The following ZNF507 variants were observed in gnomAD, a reference collection of about 807,000 sequenced individuals.
ZNF507 encodes the protein zinc finger protein 507.
In ZNF507, 29 loss-of-function variants were observed where a neutral mutation model predicts 80.0. The ratio of observed to expected loss-of-function variants is 0.36; its 90% CI spans 0.27 to 0.49. The LOEUF is 0.49. Ranked by LOEUF, ZNF507 falls within the 20% of genes least tolerant of loss-of-function variation. The pLI is 0.98. For synonymous variants in ZNF507, 462 were observed against 422.5 expected, an observed-to-expected ratio of 1.09 and a Z score of -1.15; for missense variants, 1,081 against 1,152.2, an observed-to-expected ratio of 0.94 and a Z score of 0.90.
rs112907551 is a variant in ZNF507, at chr19:32,378,414, A to T, written c.2361-4053A>T. Among the ~76,000 whole-genome samples, 25 of 152,252 alleles carry T rather than the reference A, an allele frequency of 1.6e-4. 1 individual carries two copies. The highest frequency in any genetic ancestry group is 6.0e-4 in the African/African-American group (25 of 41,550). Reference sequence around the variant, plus strand: ...TAGAAGATCTTAAGGAGACGTGAGGACTAAAAGCCATGTTGTCCTGGATGG... The same window carrying T: ...TAGAAGATCTTAAGGAGACGTGAGGTCTAAAAGCCATGTTGTCCTGGATGG... On this transcript the variant is annotated intron_variant, in intron 5 of 6. Coordinates refer to ENST00000355898, the MANE Select transcript of ZNF507 (RefSeq NM_001136156.2).
Position 32,386,008 on chromosome 19 carries a change from A to C in ZNF507, c.*2925A>C, listed in dbSNP as rs1020893112. 6.6e-6 allele frequency: 1 copy of C among 152,248 alleles called. No homozygotes were observed. The highest frequency in any genetic ancestry group is 1.5e-5 in the Non-Finnish European group (1 of 68,060). 9.4% of individuals were successfully genotyped at this position (152,248 alleles called of 1,614,324 possible). ...ATATGGCAAAGGTGGGGAGGGGGGA[A>C]GATGATGCATTCTGATCATTATAAA... On this transcript the variant is annotated 3_prime_UTR_variant, in exon 7 of 7. Coordinates refer to ENST00000355898, the MANE Select transcript of ZNF507 (RefSeq NM_001136156.2).
At chr19:32,372,534 G>A (rs34847775) in intron 5 of ZNF507, among the ~76,000 whole-genome samples, 6,474 of 152,014 alleles carry the variant, frequency 0.043, 342 homozygotes, top group East Asian at 0.28. Context: ...TTGAGGGCCT[G>A]GCCCTGGCTT....
rs147646966 is a variant in ZNF507 at position 32,356,318 on chromosome 19, C to T, written c.2128-298C>T. 3.6e-3 allele frequency among the ~76,000 whole-genome samples: 552 copies of T among 152,280 alleles called. 7 individuals carry two copies. Among genetic ancestry groups the T allele is most frequent in the African/African-American group, 0.013 (524 of 41,552 alleles). On this transcript the variant is annotated intron_variant, in intron 3 of 6. Transcript: ENST00000355898. ...TCTGAACACTCTGCTCGTTCCTCCT[C>T]TGGGCCTACCAGTGTTTCAGTAAAT...
At chr19:32,377,044 G>A (rs1306287394) in intron 5 of ZNF507, among the ~76,000 whole-genome samples, 1 of 152,166 alleles carries the variant, frequency 6.6e-6, no homozygotes, top group Admixed American at 6.5e-5. Context: ...AAGCAGACTA[G>A]GAGCGTGGCC....
chr19:32,355,102 C>A, intron 3 of ZNF507, 145 bp downstream of exon 3: 1 of 751,184 alleles, frequency 1.3e-6, no homozygotes, highest in South Asian at 2.0e-5. Flanking sequence ...AAGGGGATCC[C>A]AACTTACCAG....
At chr19:32,369,502 A>AATGG (rs1967441255) in intron 5 of ZNF507, among the ~76,000 whole-genome samples, 1 of 152,048 alleles carries the variant, frequency 6.6e-6, no homozygotes, top group African/African-American at 2.4e-5. Context: ...TTTTTTGGCC[A>AATGG]ATGGATGGGT....
Position 32,360,615 on chromosome 19 carries a change from A to G in ZNF507, c.2357A>G (p.Tyr786Cys). The change falls in exon 5 of 7, where the codon TAC becomes TGC. Residue 786 changes from tyrosine (Y) to cysteine (C), a missense_variant. This residue lies in a region of ZNF507 where 40 missense variants were observed against 52.4 expected (regional missense o/e 0.76). Coordinates refer to ENST00000355898, the MANE Select transcript of ZNF507 (RefSeq NM_001136156.2). ...CGAATCCATAACTCTGATAAGCCGT[A>G]CAGGTAAGTGTTATGATTCTAGAAT... is the stretch of plus-strand genomic sequence containing the variant. ...HRRIHNSDKP[Y>C]RCSLCGYVCS... 1 of 1,552,306 alleles carries G rather than the reference A, an allele frequency of 6.4e-7. No homozygotes were observed. The highest frequency in any genetic ancestry group is 8.8e-7 in the Non-Finnish European group (1 of 1,141,274).
intron 5 of ZNF507, among the ~76,000 whole-genome samples, chr19:32,365,103 G>A (rs1298133343): frequency 6.6e-6 from 1 of 152,092 alleles, no homozygotes; most frequent in Admixed American, 6.6e-5. Flanking sequence ...GATCGTTAAT[G>A]ATTTTTTCAT....
At chr19:32,372,205 A>G (rs574913086) in intron 5 of ZNF507, among the ~76,000 whole-genome samples, 2 of 152,312 alleles carry the variant, frequency 1.3e-5, no homozygotes, top group African/African-American at 4.8e-5. Flanking sequence ...AATCTATAGT[A>G]TGATTCTACT....
intron 5 of ZNF507, among the ~76,000 whole-genome samples, chr19:32,360,972 C>T (rs575439933): frequency 4.2e-4 from 64 of 152,294 alleles, no homozygotes; most frequent in Non-Finnish European, 7.6e-4. Context: ...AAGATGTGAA[C>T]TTTAAGCTTG....
rs1599561330 is a variant in ZNF507, at chr19:32,382,385, T to C, written c.2361-82T>C. On this transcript the variant is annotated intron_variant, in intron 5 of 6. Transcript: ENST00000355898. ...TAATAAGGGTTCGGAGGAAGGGCTA[T>C]AATAATTGTTACAGAATCATGATAA... is the stretch of plus-strand genomic sequence containing the variant. The C allele has an allele frequency of 1.5e-5, 23 of 1,538,704 alleles. No homozygotes were observed. In the East Asian group the frequency reaches 5.0e-4, roughly 33 times the overall value.
rs775918403 is a variant in ZNF507, at chr19:32,360,467, A to C, written c.2246-37A>C. Reference sequence around the variant, plus strand: ...TAAATGCTGTCATTTGAATCTTGTCAAAGCCTGCTACTAAAACTCTGAAAT... The same window carrying C: ...TAAATGCTGTCATTTGAATCTTGTCCAAGCCTGCTACTAAAACTCTGAAAT... On this transcript the variant is annotated intron_variant, in intron 4 of 6. Transcript: ENST00000355898. 19 of 1,164,706 alleles carry C rather than the reference A, an allele frequency of 1.6e-5. No individual in the cohort carries two copies. In the East Asian group the frequency reaches 5.1e-4, roughly 31 times the overall value. 72.1% of individuals were successfully genotyped at this position (1,164,706 alleles called of 1,614,324 possible). A position where few individuals can be genotyped will look rare whatever the true frequency, so the allele number is the denominator to read the frequency against.
In ZNF507 at chr19:32,353,808, T is replaced by C. The variant is rs765234453; in HGVS notation, c.978T>C (p.Ile326=). The change falls in exon 3 of 7, where the codon ATT becomes ATC. Residue 326 remains isoleucine, a synonymous_variant. Transcript: ENST00000355898. ...IHNGPSVQVQ[I]CSSEQLSSSS... ...ATGGGCCATCAGTGCAAGTGCAGATTTGCAGCTCAGAACAGTTATCATCTT... is the reference window on the plus strand; with the variant it reads ...ATGGGCCATCAGTGCAAGTGCAGATCTGCAGCTCAGAACAGTTATCATCTT... 6.2e-7 allele frequency: 1 copy of C among 1,614,202 alleles called. No individual in the cohort carries two copies. The highest frequency in any genetic ancestry group is 1.1e-5 in the South Asian group (1 of 91,084).
chr19:32,364,930 A>G (rs1967377668), intron 5 of ZNF507, among the ~76,000 whole-genome samples: 1 of 152,188 alleles, frequency 6.6e-6, no homozygotes, highest in Non-Finnish European at 1.5e-5. Context: ...CATTCCCACC[A>G]ACCGTGTAGA....
chr19:32,374,189 C>CACACACATT (rs1967514289), intron 5 of ZNF507, among the ~76,000 whole-genome samples: 1 of 138,908 alleles, frequency 7.2e-6, no homozygotes, highest in African/African-American at 3.0e-5. Context: ...CACACACACA[C>CACACACATT]TCTCTCTCTC....
intron 1 of ZNF507, among the ~76,000 whole-genome samples, chr19:32,346,171 C>G (rs1179087589): frequency 6.6e-6 from 1 of 152,184 alleles, no homozygotes; most frequent in Non-Finnish European, 1.5e-5. Flanking sequence ...CTCCCTCATT[C>G]CCGACCCATC....
intron 5 of ZNF507, among the ~76,000 whole-genome samples, chr19:32,365,686 C>A (rs941807874): frequency 1.3e-5 from 2 of 152,126 alleles, no homozygotes; most frequent in Admixed American, 1.3e-4. Context: ...GATGGGAGAA[C>A]AAAACATTGT....
intron 2 of ZNF507, among the ~76,000 whole-genome samples, chr19:32,352,474 C>CT (rs34217641): frequency 0.87 from 126,785 of 146,346 alleles, 54,929 homozygotes; most frequent in Admixed American, 0.9. Context: ...GAATAGGAGT[C>CT]TTTTTTTTTT....
chr19:32,379,505 C>T (rs1189576372), intron 5 of ZNF507, among the ~76,000 whole-genome samples: 2 of 152,156 alleles, frequency 1.3e-5, no homozygotes, highest in African/African-American at 2.4e-5. Flanking sequence ...TAGCTAAAGC[C>T]TCACTTTCTT....
Sources: gnomAD v4.1 joint callset for allele counts (sites outside exome capture counted in the v4.1 genomes callset) on GRCh38, gnomAD v4.1.1 for gene constraint, gnomAD v4.1.1 regional missense constraint, MANE v1.5 for transcripts, NCBI Gene and HGNC (gene_info 2026-07-23, HGNC 2026-07-21) for gene names.